CHD2: variants seen among roughly 807,000 people sequenced by gnomAD.
The protein encoded by CHD2 is ATP-dependent chromatin remodeler CHD2.
CHD2 carries 28 observed loss-of-function variants against 243.9 expected under a neutral mutation model. That is an observed-to-expected ratio of 0.11 (90% CI 0.09 to 0.16). The LOEUF is 0.16. CHD2 is among the 10% of genes least tolerant of loss of function. The pLI, the probability that CHD2 is intolerant of heterozygous loss-of-function variation, is 1.00. For synonymous variants in CHD2, 775 were observed against 779.0 expected, an observed-to-expected ratio of 0.99 and a Z score of 0.09; for missense variants, 1,386 against 2,209.8, an observed-to-expected ratio of 0.63 and a Z score of 7.47.
Position 93,024,712 on chromosome 15 carries a change from G to A in CHD2, c.*7G>A, listed in dbSNP as rs2141761906. The A allele has an allele frequency of 6.2e-7, 1 of 1,600,010 alleles. No homozygotes were observed. The highest frequency in any genetic ancestry group is 2.2e-5 in the East Asian group (1 of 44,760). On this transcript the variant is annotated 3_prime_UTR_variant, in exon 39 of 39. Coordinates refer to ENST00000394196, the MANE Select transcript of CHD2 (RefSeq NM_001271.4). ...GAATGTTCGGAAAACATAAAGGACA[G>A]CTCGTAAAGGAGAGAGTAAGAGTCA...
At chr15:92,916,219 C>A (rs2052832600) in intron 2 of CHD2, among the ~76,000 whole-genome samples, 1 of 141,906 alleles carries the variant, frequency 7.0e-6, no homozygotes, top group Non-Finnish European at 1.6e-5. Flanking sequence ...AAGCTGTGCC[C>A]CATCACCCTG....
chr15:92,918,472 A>G (rs918665838), intron 2 of CHD2, among the ~76,000 whole-genome samples: 2 of 152,184 alleles, frequency 1.3e-5, no homozygotes, highest in East Asian at 1.9e-4. Context: ...TTCTGTATAT[A>G]TGTTGGATAG....
At chr15:92,929,210 C>G in intron 5 of CHD2, 119 bp downstream of exon 5, 2 of 876,372 alleles carry the variant, frequency 2.3e-6, no homozygotes, top group East Asian at 2.7e-5. Flanking sequence ...TTCTGTCTCT[C>G]TTACTAGCTC....
intron 10 of CHD2, 138 bp downstream of exon 10, chr15:92,944,653 A>T (rs776112104): frequency 4.9e-6 from 2 of 408,714 alleles, no homozygotes; most frequent in Non-Finnish European, 8.9e-6. Flanking sequence ...AAAAGCTAAG[A>T]AGATTTGCTG....
At chr15:93,016,897 A>G (rs2054469411) in intron 37 of CHD2, among the ~76,000 whole-genome samples, 1 of 152,232 alleles carries the variant, frequency 6.6e-6, no homozygotes, top group Non-Finnish European at 1.5e-5. Flanking sequence ...TTTTAAAACA[A>G]AATGAGCAAA....
At chr15:92,952,068 C>T (rs2141808882) in intron 13 of CHD2, among the ~76,000 whole-genome samples, 1 of 152,274 alleles carries the variant, frequency 6.6e-6, no homozygotes, top group South Asian at 2.1e-4. Flanking sequence ...ATAATGTTTG[C>T]AATCTGATGT....
intron 15 of CHD2, 132 bp downstream of exon 15, chr15:92,955,644 G>T (rs1332610470): frequency 3.9e-6 from 2 of 510,424 alleles, no homozygotes; most frequent in East Asian, 3.5e-5. Context: ...AAATGGTAGG[G>T]TCTGTACCTC....
intron 28 of CHD2, 127 bp from the exon 29 acceptor site, chr15:92,996,830 A>T: frequency 1.1e-6 from 1 of 893,816 alleles, no homozygotes; most frequent in Non-Finnish European, 1.6e-6. Flanking sequence ...TATAGATTAT[A>T]TCTTCAAAAT....
At chr15:92,971,524 T>G (rs1050560838) in intron 17 of CHD2, among the ~76,000 whole-genome samples, 3 of 152,206 alleles carry the variant, frequency 2.0e-5, no homozygotes, top group African/African-American at 7.2e-5. Flanking sequence ...CTTCTAGTAT[T>G]CCTGTGTTCA....
chr15:92,990,698 C>G (rs542514140), intron 26 of CHD2, among the ~76,000 whole-genome samples: 2 of 152,194 alleles, frequency 1.3e-5, no homozygotes, highest in Non-Finnish European at 2.9e-5. Flanking sequence ...CTTCTCATTT[C>G]CATTTTTCCC....
chr15:92,950,707 C>T (rs139512806), intron 13 of CHD2, among the ~76,000 whole-genome samples: 13 of 150,880 alleles, frequency 8.6e-5, no homozygotes, highest in African/African-American at 2.0e-4. Context: ...GAGCCATTTT[C>T]GCACCATTGC....
chr15:92,959,956 A>AT (rs1302562425), intron 16 of CHD2, among the ~76,000 whole-genome samples: 2 of 152,220 alleles, frequency 1.3e-5, no homozygotes, highest in Non-Finnish European at 2.9e-5. Flanking sequence ...GTTGAATCAT[A>AT]TATCAGTTAA....
At chr15:93,009,355 A>G (rs753511374) in intron 35 of CHD2, 32 bp downstream of exon 35, 1 of 1,599,432 alleles carries the variant, frequency 6.3e-7, no homozygotes. Context: ...GCCCAGTTTG[A>G]TTTGACTGAG....
chr15:92,979,061 C>G (rs1046344127), intron 21 of CHD2, 74 bp from the exon 22 acceptor site: 3 of 1,562,936 alleles, frequency 1.9e-6, no homozygotes, highest in East Asian at 2.2e-5. Context: ...TTTGACAGAG[C>G]TAATCCTTCT....
chr15:92,944,182 G>GTAAC (rs1476893602), intron 9 of CHD2: 1 of 301,532 alleles, frequency 3.3e-6, no homozygotes, highest in Non-Finnish European at 6.3e-6. Flanking sequence ...TCAGAGGCAG[G>GTAAC]TAACTGGTAT....
chr15:92,975,324 T>C (rs959877754), intron 20 of CHD2, among the ~76,000 whole-genome samples: 2 of 152,194 alleles, frequency 1.3e-5, no homozygotes, highest in African/African-American at 4.8e-5. Flanking sequence ...ATATTTGCCA[T>C]GTCTCAAATT....
At position 92,943,000 on chromosome 15, in the gene CHD2, G is replaced by A. The variant is rs944181807; in HGVS notation, c.984G>A (p.Gln328=). 17 of 1,613,880 alleles carry A rather than the reference G, an allele frequency of 1.1e-5. No individual in the cohort carries two copies. In the Admixed American group the frequency reaches 1.8e-4, roughly 17 times the overall value. ...HSTWESEESL[Q]QQKVKGLKKL... ...CATGGGAGAGTGAAGAATCCTTACA[G>A]CAACAGAAAGTGAAGGGCCTAAAAA... The change falls in exon 9 of 39, where the codon CAG becomes CAA. Residue 328 remains glutamine, a synonymous_variant. Coordinates refer to ENST00000394196, the MANE Select transcript of CHD2 (RefSeq NM_001271.4).
In CHD2 at chr15:92,996,897, T is replaced by G; in HGVS notation, c.3596-60T>G. ...TAAGAGGTCAGGGTTCGTTGATACATGTTTTCTGTGGAACTTCTGCAGATT... is the reference window on the plus strand; with the variant it reads ...TAAGAGGTCAGGGTTCGTTGATACAGGTTTTCTGTGGAACTTCTGCAGATT... On this transcript the variant is annotated intron_variant, in intron 28 of 38. Transcript: ENST00000394196. 3.9e-6 allele frequency: 6 copies of G among 1,540,736 alleles called. No individual in the cohort carries two copies. The South Asian group carries it at 4.9e-5, about 13-fold the overall frequency.
intron 5 of CHD2, among the ~76,000 whole-genome samples, chr15:92,932,991 C>G (rs1019063874): frequency 1.3e-5 from 2 of 151,784 alleles, no homozygotes; most frequent in African/African-American, 2.4e-5. Flanking sequence ...GATCCACCCG[C>G]CTCAGCCTCC....
Sources: allele counts gnomAD v4.1 joint callset (sites outside exome capture counted in the v4.1 genomes callset), GRCh38; gene constraint gnomAD v4.1.1; transcripts MANE v1.5; gene names NCBI Gene and HGNC (gene_info 2026-07-23, HGNC 2026-07-21).